TTC6: variants seen among roughly 807,000 people sequenced by gnomAD.
TTC6 encodes the protein tetratricopeptide repeat protein 6.
A neutral mutation model predicts 210.4 loss-of-function variants in TTC6; 172 were observed. The observed-to-expected ratio is 0.82, with a 90% CI of 0.72 to 0.93. The LOEUF (loss-of-function observed/expected upper bound fraction) is 0.93, where lower values mean the gene tolerates loss of function less well. TTC6 is among the 40% of genes least tolerant of loss of function. The pLI, the probability that TTC6 is intolerant of heterozygous loss-of-function variation, is 0.00. For missense variants in TTC6, 2,414 were observed against 2,318.1 expected, an observed-to-expected ratio of 1.04 and a Z score of -0.85; for synonymous variants, 804 against 819.6, an observed-to-expected ratio of 0.98 and a Z score of 0.32.
chr14:37,756,211 ACTG>A (rs777543778), intron 14 of TTC6, among the ~76,000 whole-genome samples: 53 of 152,256 alleles, frequency 3.5e-4, no homozygotes, highest in Non-Finnish European at 6.5e-4. Flanking sequence ...GTATCCTAAG[ACTG>A]CTGAAGTTGC....
intron 5 of TTC6, among the ~76,000 whole-genome samples, chr14:37,711,137 C>T (rs2095844036): frequency 6.6e-6 from 1 of 152,270 alleles, no homozygotes; most frequent in African/African-American, 2.4e-5. Flanking sequence ...GCATCTCCTG[C>T]CTTACCAATG....
At chr14:37,614,869 C>T (rs893985248) in intron 2 of TTC6, among the ~76,000 whole-genome samples, 3 of 152,096 alleles carry the variant, frequency 2.0e-5, no homozygotes, top group Admixed American at 6.5e-5. Context: ...GCTTCAGCCT[C>T]CCACGTAACT....
At chr14:37,605,979 T>G (rs1048696305) in intron 1 of TTC6, among the ~76,000 whole-genome samples, 2 of 152,030 alleles carry the variant, frequency 1.3e-5, no homozygotes, top group African/African-American at 4.8e-5. Context: ...ATGCCAGACT[T>G]CCAAGGTGCT....
At chr14:37,804,656 C>G (rs781246997) in intron 20 of TTC6, 24 bp from the exon 23 acceptor site, 3 of 1,604,374 alleles carry the variant, frequency 1.9e-6, no homozygotes, top group African/African-American at 1.3e-5. Flanking sequence ...TTCTTGCCCC[C>G]TCCCTGCTTT....
At chr14:37,841,750 A>G in intron 30 of TTC6, 80 bp downstream of exon 32, 1 of 1,097,288 alleles carries the variant, frequency 9.1e-7, no homozygotes, top group African/African-American at 1.6e-5. Flanking sequence ...GAAAATCATT[A>G]GGTCTATTTA....
rs112257888 is a variant in TTC6, at chr14:37,616,878, TA to T, written c.-154-5164del. ...GCATCATTTTATTTTTATTTATTCT[TA>T]AAAAAAATTATTTTTATTTAAGACA... is the stretch of plus-strand genomic sequence containing the variant. On this transcript the variant is annotated intron_variant, in intron 2 of 2. Coordinates refer to the TTC6 transcript ENST00000556845. Among the ~76,000 whole-genome samples, 27 of 152,152 alleles carry T rather than the reference TA, an allele frequency of 1.8e-4. 1 individual carries two copies. Among genetic ancestry groups the T allele is most frequent in the African/African-American group, 3.6e-4 (15 of 41,512 alleles).
chr14:37,783,674 T>C (rs1422730005), intron 14 of TTC6, among the ~76,000 whole-genome samples: 3 of 152,184 alleles, frequency 2.0e-5, no homozygotes, highest in Non-Finnish European at 2.9e-5. Context: ...TTCTGCTAGC[T>C]TTTGAATGTG....
At position 37,739,000 on chromosome 14, in the gene TTC6, T is replaced by G. The variant is rs530599294; in HGVS notation, c.2208T>G (p.Asn736Lys). Residue 736 changes from asparagine to lysine, a missense_variant, in exon 10 of 31, where the codon AAT becomes AAG. Asn to Lys is a moderately conservative substitution (Grantham distance 94). Coordinates refer to ENST00000553443, the Ensembl canonical transcript of TTC6. ...TGTGCGAAAAACACAGTTTGAGAAA[T>G]CTCTCTTTGACTCTCATTGAAGCGT... is the stretch of plus-strand genomic sequence containing the variant. 33 of 1,535,592 alleles carry G rather than the reference T, an allele frequency of 2.1e-5. No homozygotes were observed. The South Asian group carries it at 3.7e-4, about 17-fold the overall frequency.
chr14:37,737,606 C>T, intron 8 of TTC6, 54 bp from the exon 11 acceptor site: 1 of 1,017,702 alleles, frequency 9.8e-7, no homozygotes, highest in East Asian at 2.7e-5. Flanking sequence ...TATATTTTAG[C>T]TTATCAGATA....
intron 14 of TTC6, among the ~76,000 whole-genome samples, chr14:37,769,419 A>G (rs1302317904): frequency 6.6e-6 from 1 of 151,996 alleles, no homozygotes; most frequent in Non-Finnish European, 1.5e-5. Context: ...TCGGCTGTGA[A>G]TCCATCTGAT....
At chr14:37,672,150 G>A (rs1367961839) in intron 1 of TTC6, among the ~76,000 whole-genome samples, 4 of 152,096 alleles carry the variant, frequency 2.6e-5, no homozygotes, top group Non-Finnish European at 5.9e-5. Context: ...AAAATTCATT[G>A]ATATAGATGC....
intron 7 of TTC6, among the ~76,000 whole-genome samples, chr14:37,732,842 G>A (rs905001502): frequency 6.6e-6 from 1 of 150,444 alleles, no homozygotes; most frequent in Admixed American, 6.7e-5. Context: ...TCCTGACCTC[G>A]TGATCCGCCC....
intron 14 of TTC6, among the ~76,000 whole-genome samples, chr14:37,784,080 TGTG>T (rs1252640000): frequency 2.0e-5 from 3 of 152,216 alleles, no homozygotes; most frequent in Non-Finnish European, 4.4e-5. Context: ...ATAAGTCCGA[TGTG>T]GTGCTGAGAA....
At chr14:37,701,579 A>C in intron 5 of TTC6, 53 bp downstream of exon 7, 1 of 1,358,310 alleles carries the variant, frequency 7.4e-7, no homozygotes, top group Admixed American at 3.2e-5. Flanking sequence ...CTGTCATATA[A>C]ATCCTGCCTT....
rs189728594 is a variant in TTC6, at chr14:37,651,696, C to T, written c.940-28455C>T. ...AGCTACTTGGGAGGCTTGAGGCGGGCGGATGCTTGAGGCCAGGAGTTTGAG... is the reference window on the plus strand; with the variant it reads ...AGCTACTTGGGAGGCTTGAGGCGGGTGGATGCTTGAGGCCAGGAGTTTGAG... On this transcript the variant is annotated intron_variant, in intron 1 of 30. Coordinates refer to ENST00000553443, the Ensembl canonical transcript of TTC6. 3.1e-4 allele frequency among the ~76,000 whole-genome samples: 47 copies of T among 151,560 alleles called. No homozygotes were observed. The East Asian group carries it at 6.2e-3, about 20-fold the overall frequency.
chr14:37,648,101 A>C (rs948075730), intron 1 of TTC6, among the ~76,000 whole-genome samples: 2 of 152,124 alleles, frequency 1.3e-5, no homozygotes, highest in African/African-American at 2.4e-5. Context: ...GCATTTTCAA[A>C]TTGTTTATTA....
chr14:37,705,496 T>TATAGAACAAA (rs2095833764), intron 5 of TTC6, among the ~76,000 whole-genome samples: 1 of 152,122 alleles, frequency 6.6e-6, no homozygotes, highest in Non-Finnish European at 1.5e-5. Flanking sequence ...AAATAAATCA[T>TATAGAACAAA]ATAGAACAAA....
intron 1 of TTC6, among the ~76,000 whole-genome samples, chr14:37,649,534 G>GAAT (rs2095707490): frequency 6.6e-6 from 1 of 152,116 alleles, no homozygotes; most frequent in African/African-American, 2.4e-5. Flanking sequence ...GTTTTCTCCC[G>GAAT]AATCACTTGT....
chr14:37,791,441 G>A (rs754175844), intron 16 of TTC6, among the ~76,000 whole-genome samples: 3 of 152,098 alleles, frequency 2.0e-5, no homozygotes, highest in Non-Finnish European at 4.4e-5. Flanking sequence ...TTATGAAAAG[G>A]GAAGGTGTCA....
Sources: gnomAD v4.1 joint callset for allele counts (sites outside exome capture counted in the v4.1 genomes callset) on GRCh38, gnomAD v4.1.1 for gene constraint, MANE v1.5 for transcripts, NCBI Gene and HGNC (gene_info 2026-07-23, HGNC 2026-07-21) for gene names.